The following ZNF534 variants were observed in gnomAD, a reference collection of about 807,000 sequenced individuals.
ZNF534 encodes the protein KRAB domain only 3.
In ZNF534, 19 loss-of-function variants were observed where a neutral mutation model predicts 13.6. The ratio of observed to expected loss-of-function variants is 1.40; its 90% CI spans 0.97 to 2.05. The LOEUF is 2.05. ZNF534 is among the 30% of genes most tolerant of loss of function. The pLI, the probability that ZNF534 is intolerant of heterozygous loss-of-function variation, is 0.00. For missense variants in ZNF534, 782 were observed against 796.3 expected (o/e 0.98, Z 0.22); for synonymous variants, 244 against 273.8 (o/e 0.89, Z 1.07).
At position 52,441,027 on chromosome 19, in the gene ZNF534, G is replaced by A. The variant is rs545181184; in HGVS notation, c.*1581G>A. On this transcript the variant is annotated 3_prime_UTR_variant, in exon 5 of 5. Transcript: ENST00000433050. ...AGCAATTCTCCTGCCTCTACCTCCC[G>A]AGTAGCTAGGACTACAAGCACATGA... Among the ~76,000 whole-genome samples the A allele has an allele frequency of 1.1e-4, 16 of 151,766 alleles. No homozygotes were observed. The highest frequency in any genetic ancestry group is 3.9e-4 in the African/African-American group (16 of 41,398).
downstream of ZNF534, among the ~76,000 whole-genome samples, chr19:52,445,891 A>G (rs1490932393): frequency 6.6e-6 from 1 of 152,190 alleles, no homozygotes; most frequent in South Asian, 2.1e-4. Context: ...TATTATATGT[A>G]TAATTTCCAT....
At chr19:52,447,503 T>A (rs2059198501) in intron 4 of ZNF534, among the ~76,000 whole-genome samples, 1 of 152,208 alleles carries the variant, frequency 6.6e-6, no homozygotes. Flanking sequence ...ACAGTGACAT[T>A]TTCCCTAAGG....
At chr19:52,433,582 G>A (rs564266988) in intron 2 of ZNF534, among the ~76,000 whole-genome samples, 1 of 152,174 alleles carries the variant, frequency 6.6e-6, no homozygotes, top group Non-Finnish European at 1.5e-5. Flanking sequence ...TGGCCAAGAT[G>A]GTCTTGATCT....
chr19:52,434,744 A>G (rs58694075), intron 3 of ZNF534, among the ~76,000 whole-genome samples: 4,159 of 149,808 alleles, frequency 0.028, 180 homozygotes, highest in African/African-American at 0.089. Context: ...AAAAAAAAAA[A>G]AGAAAGAAAT....
chr19:52,433,311 C>T (rs913718580), intron 2 of ZNF534, among the ~76,000 whole-genome samples: 2 of 149,006 alleles, frequency 1.3e-5, no homozygotes, highest in African/African-American at 4.9e-5. Flanking sequence ...ACTTGTATCT[C>T]AGGTAGATAC....
chr19:52,433,867 G>C, intron 2 of ZNF534, 88 bp from the exon 3 acceptor site: 17 of 1,490,034 alleles, frequency 1.1e-5, no homozygotes, highest in Non-Finnish European at 1.6e-5. Flanking sequence ...CGCTTCAGTG[G>C]AGTGAGTCCT....
intron 3 of ZNF534, among the ~76,000 whole-genome samples, chr19:52,434,428 G>T (rs146820246): frequency 0.014 from 1,815 of 130,500 alleles, 45 homozygotes; most frequent in African/African-American, 0.051. Context: ...TCGCACCACT[G>T]CACTCCAGCC....
At chr19:52,433,453 C>T (rs1388636647) in intron 2 of ZNF534, among the ~76,000 whole-genome samples, 3 of 151,910 alleles carry the variant, frequency 2.0e-5, no homozygotes, top group African/African-American at 7.3e-5. Context: ...TGCAATGTCC[C>T]ACTCCTGGGT....
intron 4 of ZNF534, among the ~76,000 whole-genome samples, chr19:52,447,851 G>A (rs924801654): frequency 1.4e-5 from 2 of 147,152 alleles, no homozygotes; most frequent in Non-Finnish European, 3.0e-5. Flanking sequence ...AGAATTTTGC[G>A]ATTTTTTTCA....
At position 52,438,676 on chromosome 19, in the gene ZNF534, G is replaced by T. The variant is rs1326622629; in HGVS notation, c.1216G>T (p.Gly406Trp). Residue 406 changes from glycine to tryptophan, a missense_variant, in exon 5 of 5, where the codon GGG becomes TGG. Transcript: ENST00000433050. ...TGCACGACATAGGAAAATTCATACT[G>T]GGGGGAGGCGTTACAAATGTAATGA... The part of the protein sequence containing the change: ...RLARHRKIHT[G>W]GRRYKCNECG... The T allele has an allele frequency of 1.3e-6, 2 of 1,579,282 alleles. No homozygotes were observed. Among genetic ancestry groups the T allele is most frequent in the African/African-American group, 1.4e-5 (1 of 73,786 alleles).
chr19:52,435,501 C>G (rs1254563776), intron 4 of ZNF534, among the ~76,000 whole-genome samples: 1 of 151,956 alleles, frequency 6.6e-6, no homozygotes, highest in Non-Finnish European at 1.5e-5. Context: ...AGACATTTTT[C>G]ATTTTCTTTT....
At chr19:52,446,174 A>C (rs2059193770), downstream of ZNF534, among the ~76,000 whole-genome samples, 1 of 152,150 alleles carries the variant, frequency 6.6e-6, no homozygotes, top group Non-Finnish European at 1.5e-5. Flanking sequence ...TGTTGAAGTA[A>C]ATGAAAATAT....
Position 52,437,838 on chromosome 19 carries a change from A to T in ZNF534, c.378A>T (p.Val126=). ...HLTEWQPFQA[V]RNIYGCKHVE... Reference sequence around the variant, plus strand: ...CTGAATGGCAGCCATTTCAAGCTGTAAGGAATATTTATGGATGTAAGCATG... The same window carrying T: ...CTGAATGGCAGCCATTTCAAGCTGTTAGGAATATTTATGGATGTAAGCATG... The change falls in exon 5 of 5, where the codon GTA becomes GTT. Residue 126 remains valine, a synonymous_variant. Coordinates refer to ENST00000433050, the MANE Select transcript of ZNF534 (RefSeq NM_001143938.3). The T allele has an allele frequency of 6.2e-7, 1 of 1,613,762 alleles. No individual in the cohort carries two copies. Among genetic ancestry groups the T allele is most frequent in the South Asian group, 1.1e-5 (1 of 90,994 alleles).
chr19:52,448,668 C>T (rs187310841), intron 4 of ZNF534, among the ~76,000 whole-genome samples: 36 of 152,256 alleles, frequency 2.4e-4, no homozygotes, highest in African/African-American at 8.7e-4. Flanking sequence ...AAGAACACAA[C>T]GTGAGCTCTA....
rs2059119216 is a variant in ZNF534, at chr19:52,435,025, G to T, written c.143-56G>T. ...ATATGCTGTCTCCTACCTAAATATA[G>T]GGCTTGGACTTTGGAGATGCCACAG... On this transcript the variant is annotated intron_variant, in intron 3 of 4. Coordinates refer to ENST00000433050, the MANE Select transcript of ZNF534 (RefSeq NM_001143938.3). 20 of 1,562,544 alleles carry T rather than the reference G, an allele frequency of 1.3e-5. No individual in the cohort carries two copies. The South Asian group carries it at 2.5e-4, about 19-fold the overall frequency.
rs765958085 is a variant in ZNF534 at position 52,438,995 on chromosome 19, A to G, written c.1535A>G (p.His512Arg). 3 of 1,604,260 alleles carry G rather than the reference A, an allele frequency of 1.9e-6. No homozygotes were observed. The highest frequency in any genetic ancestry group is 2.6e-6 in the Non-Finnish European group (3 of 1,174,950). ...CGTCAGAATTCACACCTTGCACAAC[A>G]TAGGGATATTCATACTGGAGAGAAG... ...VFRQNSHLAQ[H>R]RDIHTGEKPY... The change falls in exon 5 of 5, where the codon CAT (histidine) becomes CGT (arginine). Residue 512 changes from histidine (H) to arginine (R), a missense_variant. Physicochemically the swap from His to Arg is conservative, Grantham distance 29 (BLOSUM62 0). Transcript: ENST00000433050.
At chr19:52,437,673 G>T in intron 4 of ZNF534, 59 bp from the exon 5 acceptor site, 1 of 1,453,528 alleles carries the variant, frequency 6.9e-7, no homozygotes, top group East Asian at 2.3e-5. Context: ...CTTGTTTTCT[G>T]TCAGACTTTA....
Position 52,441,796 on chromosome 19 carries a change from A to T in ZNF534, c.*2350A>T, listed in dbSNP as rs1322499715. Among the ~76,000 whole-genome samples the T allele has an allele frequency of 4.6e-5, 7 of 152,244 alleles. No homozygotes were observed. Among genetic ancestry groups the T allele is most frequent in the African/African-American group, 9.6e-5 (4 of 41,464 alleles). On this transcript the variant is annotated 3_prime_UTR_variant, in exon 5 of 5. Coordinates refer to ENST00000433050, the MANE Select transcript of ZNF534 (RefSeq NM_001143938.3). The stretch of plus-strand genomic sequence containing the variant: ...CACCACATAGAGAGAAACCTTACAA[A>T]TACAAATCACCACATAATGGAGAGA...
chr19:52,437,604 A>C, intron 4 of ZNF534, 128 bp from the exon 5 acceptor site: 2 of 929,126 alleles, frequency 2.2e-6, no homozygotes, highest in South Asian at 3.9e-5. Context: ...GTGAGACTCC[A>C]TCTCAATAAA....
Sources: gnomAD v4.1 joint callset for allele counts (sites outside exome capture counted in the v4.1 genomes callset) on GRCh38, gnomAD v4.1.1 for gene constraint, MANE v1.5 for transcripts, NCBI Gene and HGNC (gene_info 2026-07-23, HGNC 2026-07-21) for gene names.